BCAR1: variants seen among roughly 807,000 people sequenced by gnomAD.
BCAR1 encodes breast cancer anti-estrogen resistance protein 1.
A neutral mutation model predicts 67.6 loss-of-function variants in BCAR1; 30 were observed. That is an observed-to-expected ratio of 0.44 (90% CI 0.33 to 0.60). The LOEUF is 0.60. Among genes scored for constraint, BCAR1 ranks in the 20% least tolerant of loss-of-function variants. BCAR1 has a pLI of 0.02. For synonymous variants in BCAR1, 626 were observed against 556.7 expected (o/e 1.12, Z -1.75); for missense variants, 1,313 against 1,222.3 (o/e 1.07, Z -1.11).
chr16:75,251,495 G>T lies in BCAR1; in HGVS notation c.-13C>A. On this transcript the variant is annotated 5_prime_UTR_variant, in exon 1 of 7. Transcript: ENST00000162330. ...CCAGGTGGTTCATGGTGTCCGGCGG[G>T]CCTGGGGCCCCGGCTCTCGCGGGGG... 7.3e-7 allele frequency: 1 copy of T among 1,368,722 alleles called. No individual in the cohort carries two copies. The highest frequency in any genetic ancestry group is 9.5e-7 in the Non-Finnish European group (1 of 1,057,144). The allele number at this position is 1,368,722 out of a possible 1,614,324, so 84.8% of individuals were successfully genotyped here.
At chr16:75,244,563 C>A (rs1296486608) in intron 1 of BCAR1, among the ~76,000 whole-genome samples, 1 of 152,256 alleles carries the variant, frequency 6.6e-6, no homozygotes, top group Non-Finnish European at 1.5e-5. Context: ...TGCCCCAGGT[C>A]CCAGGATCAG....
chr16:75,229,414 C>G lies in BCAR1; in HGVS notation c.*97G>C. On this transcript the variant is annotated 3_prime_UTR_variant, in exon 7 of 7. Coordinates refer to ENST00000162330, the MANE Select transcript of BCAR1 (RefSeq NM_014567.5). The stretch of plus-strand genomic sequence containing the variant: ...CCAGGACCGACGCAGAGCTGGGGTC[C>G]TGTCCCTAAGCCTGTGGCACAGCGA... 1 of 1,422,642 alleles carries G rather than the reference C, an allele frequency of 7.0e-7. No individual in the cohort carries two copies. Among genetic ancestry groups the G allele is most frequent in the Non-Finnish European group, 9.2e-7 (1 of 1,086,400 alleles). The allele number at this position is 1,422,642 out of a possible 1,614,324, so 88.1% of individuals were successfully genotyped here.
At chr16:75,231,163 C>T (rs984343302) in intron 6 of BCAR1, among the ~76,000 whole-genome samples, 1 of 149,138 alleles carries the variant, frequency 6.7e-6, no homozygotes, top group Non-Finnish European at 1.5e-5. Flanking sequence ...GTGGCACGAT[C>T]TCGGCTCGCT....
chr16:75,246,201 G>T (rs868425552), intron 1 of BCAR1: 14 of 152,034 alleles, frequency 9.2e-5, no homozygotes, highest in African/African-American at 3.4e-4. Flanking sequence ...AAACTCTTGG[G>T]CTCAAGTGAT....
chr16:75,252,402 G>A (rs2077700483), upstream of BCAR1: 14 of 1,465,932 alleles, frequency 9.6e-6, no homozygotes, highest in Non-Finnish European at 1.2e-5. Flanking sequence ...AGCGGCACTG[G>A]GGGAATGAGG....
In BCAR1 at chr16:75,242,872, G is replaced by T; in HGVS notation, c.231C>A (p.Gly77=). 2.5e-6 allele frequency: 4 copies of T among 1,610,074 alleles called. No homozygotes were observed. The highest frequency in any genetic ancestry group is 3.4e-6 in the Non-Finnish European group (4 of 1,179,272). ...GAGGCTGGGCCGGGGTGGCGGGAGG[G>T]CCGGGGCCAGGCCCTGCTGGCTTCT... ...YDKKPAGPGP[G]PPATPAQPQP... is the part of the protein sequence containing the mutation. The change falls in exon 2 of 7, where the codon GGC becomes GGA. Residue 77 remains glycine, a synonymous_variant. Transcript: ENST00000162330.
At chr16:75,264,369 A>G in intron 1 of BCAR1, 1 of 1,529,960 alleles carries the variant, frequency 6.5e-7, no homozygotes, top group Non-Finnish European at 8.7e-7. Context: ...CAGCAGGCTC[A>G]GGTGGTCCGC....
chr16:75,259,965 G>A (rs148653214), intron 1 of BCAR1, among the ~76,000 whole-genome samples: 3,552 of 152,178 alleles, frequency 0.023, 82 homozygotes, highest in Middle Eastern at 0.12. Context: ...AGGCCAAGGC[G>A]GGTGGATCAC....
At chr16:75,234,685 G>C (rs775659016) in intron 5 of BCAR1, among the ~76,000 whole-genome samples, 1 of 152,230 alleles carries the variant, frequency 6.6e-6, no homozygotes, top group Non-Finnish European at 1.5e-5. Flanking sequence ...GGTCACCAGA[G>C]ATACCAGCCC....
rs779814700 is a variant in BCAR1 at position 75,235,623 on chromosome 16, G to A, written c.1276C>T (p.Arg426Cys). The stretch of plus-strand genomic sequence containing the variant: ...CTGCCGGTGCTGGAGGCCGACAGGC[G>A]CTTGCCCTCTGCCGGGGCTTCACGT... ...AEREAPAEGK[R>C]LSASSTGSTR... The change falls in exon 5 of 7, where the codon CGC (arginine) becomes TGC (cysteine). Residue 426 changes from arginine to cysteine, a missense_variant. Around this residue, in one of 2 missense-constraint regions of BCAR1, gnomAD observed 1,272 missense variants for 1,137.5 expected, o/e 1.12. Coordinates refer to ENST00000162330, the MANE Select transcript of BCAR1 (RefSeq NM_014567.5). The A allele has an allele frequency of 6.2e-6, 10 of 1,603,516 alleles. No homozygotes were observed. The highest frequency in any genetic ancestry group is 1.7e-4 in the Middle Eastern group (1 of 6,050).
chr16:75,255,813 G>C (rs1213281833), upstream of BCAR1, among the ~76,000 whole-genome samples: 4 of 152,070 alleles, frequency 2.6e-5, no homozygotes, highest in Admixed American at 2.6e-4. Flanking sequence ...CCAACATGGT[G>C]AAACCCCGTC....
chr16:75,236,818 G>A (rs1226152182), intron 4 of BCAR1, 64 bp downstream of exon 4: 2 of 1,574,320 alleles, frequency 1.3e-6, no homozygotes, highest in East Asian at 2.3e-5. Flanking sequence ...CAGCACCCCT[G>A]TGCACACACC....
At chr16:75,251,358 C>T (rs1597261696) in intron 1 of BCAR1, 113 bp downstream of exon 1, 2 of 1,385,650 alleles carry the variant, frequency 1.4e-6, no homozygotes, top group South Asian at 2.7e-5. Context: ...CGGACCCCGG[C>T]CGGCGGTTCC....
intron 1 of BCAR1, among the ~76,000 whole-genome samples, chr16:75,259,525 C>G (rs1346489824): frequency 6.6e-6 from 1 of 152,140 alleles, no homozygotes; most frequent in Non-Finnish European, 1.5e-5. Context: ...TATCTTGTGG[C>G]ACATCCATTA....
chr16:75,243,959 C>T (rs987003089), intron 1 of BCAR1, among the ~76,000 whole-genome samples: 4 of 152,188 alleles, frequency 2.6e-5, no homozygotes, highest in Middle Eastern at 3.2e-3. Context: ...AGGGTGTGGG[C>T]GGTTGCAGCA....
In BCAR1 at chr16:75,266,027, C is replaced by T. The variant is rs377520691; in HGVS notation, c.66+1888G>A. 724 of 996,994 alleles carry T rather than the reference C, an allele frequency of 7.3e-4. 6 individuals carry two copies. The East Asian group carries it at 0.03, about 41-fold the overall frequency. 61.8% of individuals were successfully genotyped at this position (996,994 alleles called of 1,614,324 possible). ...GCGCATGCGCCGCCCGCGCCGCCCC[C>T]CCCACCGTCTCCGCGGCCAGGGACG... is the stretch of plus-strand genomic sequence containing the variant. On this transcript the variant is annotated intron_variant, in intron 1 of 6. Transcript: ENST00000393422.
rs1471351682 is a variant in BCAR1 at position 75,235,510 on chromosome 16, C to T, written c.1389G>A (p.Leu463=). ...PLELEVAVEA[L]ARLQQGVSAT... The stretch of plus-strand genomic sequence containing the variant: ...CGCTCACACCCTGCTGCAGCCGTGC[C>T]AGGGCCTCCACAGCAACTTCCAGCT... Residue 463 remains leucine (L), a synonymous_variant, in exon 5 of 7, where the codon CTG becomes CTA. Transcript: ENST00000162330. 1 of 1,596,980 alleles carries T rather than the reference C, an allele frequency of 6.3e-7. No individual in the cohort carries two copies. Among genetic ancestry groups the T allele is most frequent in the Non-Finnish European group, 8.5e-7 (1 of 1,172,696 alleles).
At chr16:75,259,295 T>C (rs1468334320) in intron 1 of BCAR1, among the ~76,000 whole-genome samples, 1 of 152,196 alleles carries the variant, frequency 6.6e-6, no homozygotes, top group Non-Finnish European at 1.5e-5. Context: ...AATACTTAAA[T>C]GGGTATTTTG....
At chr16:75,263,085 G>C (rs1490480917) in intron 1 of BCAR1, among the ~76,000 whole-genome samples, 1 of 152,158 alleles carries the variant, frequency 6.6e-6, no homozygotes, top group Non-Finnish European at 1.5e-5. Context: ...GTGAGGTCCT[G>C]AGCCCAGTGC....
Sources: gnomAD v4.1 joint callset for allele counts (sites outside exome capture counted in the v4.1 genomes callset) on GRCh38, gnomAD v4.1.1 for gene constraint, gnomAD v4.1.1 regional missense constraint, MANE v1.5 for transcripts, NCBI Gene and HGNC (gene_info 2026-07-23, HGNC 2026-07-21) for gene names.